MBP: variants seen among roughly 807,000 people sequenced by gnomAD.
MBP encodes Golli-MBP.
In MBP, 16 loss-of-function variants were observed where a neutral mutation model predicts 35.8. The observed-to-expected ratio is 0.45, with a 90% CI of 0.30 to 0.68. The LOEUF (loss-of-function observed/expected upper bound fraction) is 0.68, where lower values mean the gene tolerates loss of function less well. Among genes scored for constraint, MBP ranks in the 30% least tolerant of loss-of-function variants. The probability of loss-of-function intolerance (pLI) is 0.08; values close to 1 mark genes in which losing one functional copy is unlikely to be tolerated. For synonymous variants in MBP, 143 were observed against 159.6 expected, an observed-to-expected ratio of 0.90 and a Z score of 0.78; for missense variants, 380 against 404.7, an observed-to-expected ratio of 0.94 and a Z score of 0.52.
intron 2 of MBP, chr18:77,087,598 A>C (rs937411982): frequency 1.3e-5 from 2 of 152,018 alleles, no homozygotes; most frequent in East Asian, 1.9e-4. Flanking sequence ...GCAGTCGCGC[A>C]GCGCTGTAGG....
intron 8 of MBP, chr18:76,983,239 G>T (rs547982674): frequency 1.3e-5 from 2 of 152,340 alleles, no homozygotes; most frequent in African/African-American, 4.8e-5. Flanking sequence ...TTTTCCAGAT[G>T]GGATGAATCC....
At chr18:77,123,111 T>C (rs924813506) in intron 1 of MBP, among the ~76,000 whole-genome samples, 3 of 152,228 alleles carry the variant, frequency 2.0e-5, no homozygotes, top group East Asian at 3.8e-4. Context: ...TTGTACACAG[T>C]AGACACCAAG....
intron 1 of MBP, among the ~76,000 whole-genome samples, chr18:77,129,750 C>T (rs1977177362): frequency 6.6e-6 from 1 of 152,134 alleles, no homozygotes; most frequent in Non-Finnish European, 1.5e-5. Context: ...TAATTAGAGG[C>T]CAGGCGCGGT....
intron 3 of MBP, among the ~76,000 whole-genome samples, chr18:77,063,371 A>G (rs554158042): frequency 6.6e-6 from 1 of 152,312 alleles, no homozygotes; most frequent in Non-Finnish European, 1.5e-5. Context: ...TAATGCGTGC[A>G]GAGGCCTCCT....
At position 76,988,827 on chromosome 18, in the gene MBP, G is replaced by A; in HGVS notation, c.717+50C>T. ...CTTTGGTACATTATGGGATTTTAGA[G>A]AAGGTCTATCAGAAAAGTGATGATC... On this transcript the variant is annotated intron_variant, in intron 6 of 8. Coordinates refer to ENST00000355994, the MANE Select transcript of MBP (RefSeq NM_001025101.2). The surrounding 1 kb of genome is among the most constrained non-coding windows in gnomAD (Gnocchi z 5.2). 1 of 1,567,652 alleles carries A rather than the reference G, an allele frequency of 6.4e-7. No homozygotes were observed.
intron 3 of MBP, among the ~76,000 whole-genome samples, chr18:77,026,678 C>T (rs1429855511): frequency 2.0e-5 from 3 of 151,968 alleles, no homozygotes; most frequent in African/African-American, 7.3e-5. Flanking sequence ...CAACCCTGAG[C>T]AACGCAGCAA....
chr18:76,986,662 G>T, intron 7 of MBP: 1 of 985,540 alleles, frequency 1.0e-6, no homozygotes, highest in Non-Finnish European at 1.2e-6. Flanking sequence ...TTGCGTCCTA[G>T]AGGTTTCCAG....
chr18:77,061,655 T>C (rs1014416239), intron 3 of MBP, among the ~76,000 whole-genome samples: 3 of 152,186 alleles, frequency 2.0e-5, no homozygotes, highest in Admixed American at 2.0e-4. Context: ...CCTGCAGCCA[T>C]TGTCACATGG....
chr18:77,049,146 C>G (rs1264807402), intron 3 of MBP, among the ~76,000 whole-genome samples: 2 of 151,172 alleles, frequency 1.3e-5, no homozygotes, highest in African/African-American at 4.9e-5. Context: ...GTCTCGATCT[C>G]TTGACCTCGT....
chr18:77,130,787 A>G (rs1977217224), intron 1 of MBP, among the ~76,000 whole-genome samples: 1 of 151,742 alleles, frequency 6.6e-6, no homozygotes, highest in Non-Finnish European at 1.5e-5. Context: ...GTTTTAAATC[A>G]TGGAGGAGCC....
At chr18:76,991,104 T>A (rs1164401345) in intron 4 of MBP, among the ~76,000 whole-genome samples, 1 of 152,176 alleles carries the variant, frequency 6.6e-6, no homozygotes, top group Non-Finnish European at 1.5e-5. Context: ...AGGCAGCTCA[T>A]GGGCTTTGAC....
rs1178623516 is a variant in MBP at position 76,989,563 on chromosome 18, C to T, written c.681+393G>A. Among the ~76,000 whole-genome samples the T allele has an allele frequency of 6.6e-6, 1 of 152,048 alleles. No homozygotes were observed. Among genetic ancestry groups the T allele is most frequent in the African/African-American group, 2.4e-5 (1 of 41,392 alleles). On this transcript the variant is annotated intron_variant, in intron 5 of 8. Transcript: ENST00000355994. This position sits in a 1 kb window ranked among gnomAD's most constrained non-coding sequence, Gnocchi z 4.0. The stretch of plus-strand genomic sequence containing the variant: ...TGGTCTTCAGTCACCATGGCAGCCT[C>T]GACAGAGCGGTTTCGCTGCCCGAAA...
At chr18:77,022,769 G>A (rs1972043996) in intron 3 of MBP, among the ~76,000 whole-genome samples, 1 of 152,202 alleles carries the variant, frequency 6.6e-6, no homozygotes, top group Non-Finnish European at 1.5e-5. Flanking sequence ...TTATTTGTGA[G>A]GCACAGAGAA....
Position 76,987,697 on chromosome 18 carries a change from A to G in MBP, c.750+798T>C, listed in dbSNP as rs1170077298. ...TCGGAGACAGACACAACCTATCTAC[A>G]ATACGTTGGTGGTTATTCCTCCATT... On this transcript the variant is annotated intron_variant, in intron 7 of 8. Transcript: ENST00000355994. The G allele has an allele frequency of 1.7e-5, 17 of 992,508 alleles. No homozygotes were observed. In the South Asian group the frequency reaches 7.5e-4, roughly 44 times the overall value. The allele number at this position is 992,508 out of a possible 1,614,324, so 61.5% of individuals were successfully genotyped here. A position where few individuals can be genotyped will look rare whatever the true frequency, so the allele number is the denominator to read the frequency against.
At chr18:76,991,936 C>T (rs536145919) in intron 4 of MBP, among the ~76,000 whole-genome samples, 25 of 152,280 alleles carry the variant, frequency 1.6e-4, no homozygotes, top group African/African-American at 5.1e-4. Flanking sequence ...TGGTAGTGCA[C>T]GGAATGGTGG....
Position 76,990,604 on chromosome 18 carries a change from C to T in MBP, c.577-544G>A, listed in dbSNP as rs532681409. Among the ~76,000 whole-genome samples, 165 of 152,078 alleles carry T rather than the reference C, an allele frequency of 1.1e-3. 1 individual carries two copies. The highest frequency in any genetic ancestry group is 3.8e-3 in the African/African-American group (157 of 41,456). ...GACTAGGCAGGCTTGAGGACAAGGC[C>T]CATGGAGGAGGCTTAGTTGAAAAGA... On this transcript the variant is annotated intron_variant, in intron 4 of 8. Transcript: ENST00000355994.
chr18:76,992,313 C>T (rs747363721), intron 4 of MBP, among the ~76,000 whole-genome samples: 3 of 152,194 alleles, frequency 2.0e-5, no homozygotes, highest in South Asian at 2.1e-4. Flanking sequence ...CTCGAACATG[C>T]CATTCCCAGT....
intron 3 of MBP, among the ~76,000 whole-genome samples, chr18:77,045,540 A>G (rs556966274): frequency 7.3e-6 from 1 of 137,286 alleles, no homozygotes; most frequent in East Asian, 2.1e-4. Flanking sequence ...GTCTCCGACA[A>G]TGTCCTAAGG....
chr18:77,116,406 T>C (rs1976661488), intron 1 of MBP, among the ~76,000 whole-genome samples: 1 of 152,224 alleles, frequency 6.6e-6, no homozygotes, highest in Non-Finnish European at 1.5e-5. Context: ...GTGACAATTA[T>C]ATTTAAAGAA....
Sources: allele counts gnomAD v4.1 joint callset (sites outside exome capture counted in the v4.1 genomes callset), GRCh38; gene constraint gnomAD v4.1.1; non-coding constraint Gnocchi (gnomAD v3.1); transcripts MANE v1.5; gene names NCBI Gene and HGNC (gene_info 2026-07-23, HGNC 2026-07-21).